The following CDH13 variants were observed in gnomAD, a reference collection of about 807,000 sequenced individuals.
CDH13 encodes the protein cadherin-13.
In CDH13, 24 loss-of-function variants were observed where a neutral mutation model predicts 63.8. The observed-to-expected ratio is 0.38, with a 90% confidence interval of 0.27 to 0.53. The LOEUF (loss-of-function observed/expected upper bound fraction) is 0.53, where lower values mean the gene tolerates loss of function less well. Ranked by LOEUF, CDH13 falls within the 20% of genes least tolerant of loss-of-function variation. The pLI is 0.85. For missense variants in CDH13, 1,049 were observed against 903.1 expected, an observed-to-expected ratio of 1.16 and a Z score of -2.07; for synonymous variants, 503 against 355.3, an observed-to-expected ratio of 1.42 and a Z score of -4.67.
chr16:83,748,759 T>C (rs984046392), intron 11 of CDH13, among the ~76,000 whole-genome samples: 1 of 152,234 alleles, frequency 6.6e-6, no homozygotes, highest in African/African-American at 2.4e-5. Flanking sequence ...GGTAATGCAC[T>C]ATCCATATGC....
intron 6 of CDH13, among the ~76,000 whole-genome samples, chr16:83,479,160 C>G (rs1483453200): frequency 6.6e-6 from 1 of 152,206 alleles, no homozygotes; most frequent in African/African-American, 2.4e-5. Flanking sequence ...ACAGAAGTAT[C>G]TAGGCTTGTC....
intron 3 of CDH13, among the ~76,000 whole-genome samples, chr16:83,107,353 T>A (rs948010568): frequency 3.3e-5 from 5 of 152,140 alleles, no homozygotes; most frequent in Non-Finnish European, 7.4e-5. Flanking sequence ...GGTGATTCTC[T>A]CCTCAGCTAG....
At chr16:83,274,652 T>C (rs989042806) in intron 5 of CDH13, among the ~76,000 whole-genome samples, 3 of 152,172 alleles carry the variant, frequency 2.0e-5, no homozygotes, top group African/African-American at 7.2e-5. Flanking sequence ...TTGAAAATAA[T>C]AAGCTAATGA....
At chr16:82,696,421 G>A (rs988619910) in intron 1 of CDH13, among the ~76,000 whole-genome samples, 30 of 152,138 alleles carry the variant, frequency 2.0e-4, no homozygotes, top group African/African-American at 4.3e-4. Context: ...TGGGAACACC[G>A]TTGTTTTGTA....
intron 1 of CDH13, among the ~76,000 whole-genome samples, chr16:82,747,973 G>A (rs572440518): frequency 1.3e-5 from 2 of 152,304 alleles, no homozygotes; most frequent in South Asian, 4.1e-4. Flanking sequence ...ACCTGGAAAA[G>A]CTTGGGCTCA....
chr16:83,647,390 A>AC (rs1911931794), intron 8 of CDH13, among the ~76,000 whole-genome samples: 1 of 151,596 alleles, frequency 6.6e-6, no homozygotes, highest in African/African-American at 2.4e-5. Context: ...CTCACGGGTG[A>AC]CCCCAGGAGG....
intron 11 of CDH13, among the ~76,000 whole-genome samples, chr16:83,777,336 G>A (rs1391549781): frequency 6.6e-6 from 1 of 152,218 alleles, no homozygotes; most frequent in African/African-American, 2.4e-5. Context: ...AGTGCCCTCA[G>A]CTCTGGAGGA....
chr16:83,002,284 G>A (rs1443252162), intron 2 of CDH13, among the ~76,000 whole-genome samples: 2 of 152,212 alleles, frequency 1.3e-5, no homozygotes, highest in Non-Finnish European at 2.9e-5. Flanking sequence ...GAACAACACT[G>A]CAGGAGGAGG....
At position 83,389,896 on chromosome 16, in the gene CDH13, G is replaced by T. The variant is rs967429833; in HGVS notation, c.781+44890G>T. Among the ~76,000 whole-genome samples, 4 of 152,134 alleles carry T rather than the reference G, an allele frequency of 2.6e-5. No individual in the cohort carries two copies. The East Asian group carries it at 5.8e-4, about 22-fold the overall frequency. On this transcript the variant is annotated intron_variant, in intron 6 of 13. Transcript: ENST00000567109. Reference sequence around the variant, plus strand: ...GCCCTGTGCATCTGCATGCAGACAGGGTCTGATAACATCAAAGCTGGGAGT... The same window carrying T: ...GCCCTGTGCATCTGCATGCAGACAGTGTCTGATAACATCAAAGCTGGGAGT...
chr16:83,508,101 A>AAGGT, intron 7 of CDH13, among the ~76,000 whole-genome samples: 1 of 41,690 alleles, frequency 2.4e-5, no homozygotes, highest in Admixed American at 2.6e-4. Flanking sequence ...GGAAGGAAAG[A>AAGGT]AGGAAGGAAA....
intron 2 of CDH13, among the ~76,000 whole-genome samples, chr16:82,994,485 G>A (rs925093624): frequency 2.6e-5 from 4 of 152,158 alleles, no homozygotes; most frequent in Admixed American, 6.5e-5. Flanking sequence ...CATGGAGAGC[G>A]TAGCCTTTCA....
At chr16:82,812,224 C>G (rs1375697071) in intron 1 of CDH13, among the ~76,000 whole-genome samples, 1 of 152,150 alleles carries the variant, frequency 6.6e-6, no homozygotes, top group Non-Finnish European at 1.5e-5. Flanking sequence ...AACTACTTTC[C>G]CAGTAGCTGC....
chr16:82,698,316 G>A (rs1483552199), intron 1 of CDH13, among the ~76,000 whole-genome samples: 1 of 152,234 alleles, frequency 6.6e-6, no homozygotes, highest in Non-Finnish European at 1.5e-5. Flanking sequence ...CTTGCTTTTA[G>A]TGAAGACCAA....
intron 1 of CDH13, among the ~76,000 whole-genome samples, chr16:82,778,456 G>A (rs1437730624): frequency 6.7e-6 from 1 of 149,748 alleles, no homozygotes. Flanking sequence ...AATAAGTGTT[G>A]ACCTTTGAAG....
intron 6 of CDH13, among the ~76,000 whole-genome samples, chr16:83,399,423 G>A (rs1342880921): frequency 6.6e-6 from 1 of 152,202 alleles, no homozygotes; most frequent in African/African-American, 2.4e-5. Flanking sequence ...CGTCCAAAGT[G>A]TATTTGCTTA....
At chr16:82,727,405 T>C (rs377616656) in intron 1 of CDH13, 1 of 152,170 alleles carries the variant, frequency 6.6e-6, no homozygotes, top group African/African-American at 2.4e-5. Flanking sequence ...ATCACAAATG[T>C]CTGTGATGCA....
chr16:83,517,706 A>T (rs1360935724), intron 7 of CDH13, among the ~76,000 whole-genome samples: 5 of 152,298 alleles, frequency 3.3e-5, no homozygotes, highest in Admixed American at 1.3e-4. Context: ...TTAAAAATGG[A>T]TCTAAGGGCA....
At chr16:83,673,843 C>A (rs1914724438) in intron 9 of CDH13, among the ~76,000 whole-genome samples, 1 of 152,220 alleles carries the variant, frequency 6.6e-6, no homozygotes, top group African/African-American at 2.4e-5. Context: ...GAAGCAGTTT[C>A]CATCAGCTTG....
intron 3 of CDH13, among the ~76,000 whole-genome samples, chr16:83,032,624 G>A (rs1916471323): frequency 6.6e-6 from 1 of 152,126 alleles, no homozygotes; most frequent in East Asian, 1.9e-4. Context: ...AGTCGCCTGA[G>A]AAAGCATCTC....
Sources: gnomAD v4.1 joint callset for allele counts (sites outside exome capture counted in the v4.1 genomes callset) on GRCh38, gnomAD v4.1.1 for gene constraint, MANE v1.5 for transcripts, NCBI Gene and HGNC (gene_info 2026-07-23, HGNC 2026-07-21) for gene names.